ACBD4: variants seen among roughly 807,000 people sequenced by gnomAD.
The protein encoded by ACBD4 is acyl-CoA-binding domain-containing protein 4.
Under a neutral mutation model 46.0 loss-of-function variants are expected in ACBD4, and 41 were observed. The ratio of observed to expected loss-of-function variants is 0.89; its 90% CI spans 0.69 to 1.16. The LOEUF is 1.16. Among genes scored for constraint, ACBD4 ranks in the 50% most tolerant of loss-of-function variants. The pLI is 0.00. For missense variants in ACBD4, 393 were observed against 399.5 expected (o/e 0.98, Z 0.14); for synonymous variants, 162 against 155.9 (o/e 1.04, Z -0.29).
chr17:45,137,542 C>G, intron 6 of ACBD4, 88 bp downstream of exon 6: 2 of 1,480,284 alleles, frequency 1.4e-6, no homozygotes, highest in Non-Finnish European at 1.9e-6. Context: ...GTGCCCTCCA[C>G]AGACACTGAG....
chr17:45,136,594 C>T lies in ACBD4; in HGVS notation c.183C>T (p.Phe61=). Residue 61 remains phenylalanine, a synonymous_variant, in exon 3 of 10, where the codon TTC becomes TTT. Transcript: ENST00000321854. Reference sequence around the variant, plus strand: ...CCTGCCTGGTCCCCCGGCCCGGGTTCTGGGACCCCATTGGACGATATAAGT... The same window carrying T: ...CCTGCCTGGTCCCCCGGCCCGGGTTTTGGGACCCCATTGGACGATATAAGT... ...MGPCLVPRPG[F]WDPIGRYKWD... 1.9e-6 allele frequency: 3 copies of T among 1,614,008 alleles called. No individual in the cohort carries two copies. The highest frequency in any genetic ancestry group is 3.3e-4 in the Middle Eastern group (2 of 6,062).
At chr17:45,136,990 C>G (rs768333671) in intron 4 of ACBD4, 29 bp from the exon 5 acceptor site, 2 of 1,613,622 alleles carry the variant, frequency 1.2e-6, no homozygotes, top group Non-Finnish European at 8.5e-7. Flanking sequence ...GGAGGCCACT[C>G]CGTCCCCAAC....
chr17:45,136,634 T>A lies in ACBD4; in HGVS notation c.209+14T>A, dbSNP rs767939172. On this transcript the variant is annotated intron_variant, in intron 3 of 9. Coordinates refer to ENST00000321854, the MANE Select transcript of ACBD4 (RefSeq NM_001135705.3). ...ACGATATAAGTGGTGAGCTCCCTGC[T>A]GGCTGGGCAGACAAGCCTCAGCTGT... The A allele has an allele frequency of 3.7e-6, 6 of 1,613,724 alleles. No homozygotes were observed. In the South Asian group the frequency reaches 6.6e-5, roughly 18 times the overall value.
At chr17:45,142,389 C>CAGAAAAAA (rs2055333718) in intron 9 of ACBD4, among the ~76,000 whole-genome samples, 1 of 28,574 alleles carries the variant, frequency 3.5e-5, no homozygotes, top group Non-Finnish European at 5.8e-5. Flanking sequence ...CAAGACTCCT[C>CAGAAAAAA]AAAAAAAAAA....
In ACBD4 at chr17:45,137,691, C is replaced by CCTGTG; in HGVS notation, c.503-68_503-67insTGTGC. On this transcript the variant is annotated intron_variant, in intron 6 of 9. Coordinates refer to ENST00000321854, the MANE Select transcript of ACBD4 (RefSeq NM_001135705.3). ...AGTGTCTCCTAAACAGGTGCTTCTG[C>CCTGTG]CCAGTGCACACTCCTGCTCTCCCTC... 1.9e-6 allele frequency: 3 copies of CCTGTG among 1,555,846 alleles called. No homozygotes were observed. The African/African-American group carries it at 4.1e-5, about 21-fold the overall frequency.
chr17:45,134,972 CTT>C (rs71363517), upstream of ACBD4, among the ~76,000 whole-genome samples: 8 of 137,682 alleles, frequency 5.8e-5, no homozygotes, highest in East Asian at 2.1e-4. Flanking sequence ...TTTGCTTACT[CTT>C]TTTTTTTTTT....
rs577647382 is a variant in ACBD4 at position 45,136,511 on chromosome 17, C to T, written c.100C>T (p.Pro34Ser). The change falls in exon 3 of 10, where the codon CCC becomes TCC. Residue 34 changes from proline (P) to serine (S), a missense_variant. Pro to Ser is a moderately conservative substitution (Grantham distance 74). Transcript: ENST00000321854. ...AACTCTCTGCCCAGGTTCTTACCGCCCCTCCTATGAAGAGATGCTGCGATT... is the reference window on the plus strand; with the variant it reads ...AACTCTCTGCCCAGGTTCTTACCGCTCCTCCTATGAAGAGATGCTGCGATT... ...QNLPKNGSYRPSYEEMLRFYS... is the reference protein window; with the variant it reads ...QNLPKNGSYRSSYEEMLRFYS... The T allele has an allele frequency of 4.3e-5, 69 of 1,613,152 alleles. 1 individual carries two copies. The East Asian group carries it at 5.1e-4, about 12-fold the overall frequency.
chr17:45,137,571 G>C, intron 6 of ACBD4, 117 bp downstream of exon 6: 2 of 1,387,618 alleles, frequency 1.4e-6, no homozygotes, highest in Non-Finnish European at 2.0e-6. Flanking sequence ...TGCTCCCAAA[G>C]GTGGGGACCG....
At position 45,137,402 on chromosome 17, in the gene ACBD4, G is replaced by T. The variant is rs774604967; in HGVS notation, c.450G>T (p.Gly150=). 8 of 1,614,078 alleles carry T rather than the reference G, an allele frequency of 5.0e-6. No individual in the cohort carries two copies. Among genetic ancestry groups the T allele is most frequent in the Non-Finnish European group, 6.8e-6 (8 of 1,179,996 alleles). ...WKEQVVNGDV[G]AVSEPPCLPK... ...AGCAGGTTGTGAATGGAGATGTTGGGGCTGTTTCAGAGCCTCCCTGCCTCC... is the reference window on the plus strand; with the variant it reads ...AGCAGGTTGTGAATGGAGATGTTGGTGCTGTTTCAGAGCCTCCCTGCCTCC... The change falls in exon 6 of 10, where the codon GGG becomes GGT. Residue 150 remains glycine, a synonymous_variant. Coordinates refer to ENST00000321854, the MANE Select transcript of ACBD4 (RefSeq NM_001135705.3).
upstream of ACBD4, chr17:45,135,673 T>G (rs1270032254): frequency 6.4e-6 from 1 of 156,892 alleles, no homozygotes; most frequent in African/African-American, 2.4e-5. Flanking sequence ...CCGGCCCTGC[T>G]GGACCCCGGG....
chr17:45,136,267 T>G (rs746135410), intron 2 of ACBD4, 35 bp downstream of exon 2: 1 of 1,608,172 alleles, frequency 6.2e-7, no homozygotes, highest in East Asian at 2.2e-5. Flanking sequence ...GGACTCGCAT[T>G]CAGGACGCCT....
upstream of ACBD4, chr17:45,132,140 C>A: frequency 8.7e-7 from 1 of 1,154,080 alleles, no homozygotes; most frequent in South Asian, 4.4e-5. The surrounding 1 kb of genome is among the most constrained non-coding windows in gnomAD (Gnocchi z 4.6). Context: ...CCATAGCCTC[C>A]CAGCCCCGTG....
At chr17:45,138,340 A>G (rs1388545851) in intron 8 of ACBD4, 1 of 403,888 alleles carries the variant, frequency 2.5e-6, no homozygotes, top group Non-Finnish European at 4.6e-6. Context: ...TCAGAAGACA[A>G]TGAGTTCTGC....
intron 2 of ACBD4, 29 bp downstream of exon 2, chr17:45,136,261 T>G: frequency 1.2e-6 from 2 of 1,610,014 alleles, no homozygotes; most frequent in Non-Finnish European, 1.7e-6. Flanking sequence ...GCATTTGGAC[T>G]CGCATTCAGG....
intron 4 of ACBD4, 65 bp downstream of exon 4, chr17:45,136,841 C>G: frequency 6.2e-7 from 1 of 1,600,034 alleles, no homozygotes; most frequent in Non-Finnish European, 8.5e-7. Context: ...CCAGTTCTGA[C>G]CCCCACTACG....
At position 45,143,648 on chromosome 17, in the gene ACBD4, A is replaced by G; in HGVS notation, c.*77A>G. The G allele has an allele frequency of 6.2e-7, 1 of 1,609,518 alleles. No individual in the cohort carries two copies. ...GAGCCTTCCTAGGGTTTAGAAGAACAGCATTCAAAATTCCCCGTCCTGTCA... is the reference window on the plus strand; with the variant it reads ...GAGCCTTCCTAGGGTTTAGAAGAACGGCATTCAAAATTCCCCGTCCTGTCA... On this transcript the variant is annotated 3_prime_UTR_variant, in exon 10 of 10. Coordinates refer to ENST00000321854, the MANE Select transcript of ACBD4 (RefSeq NM_001135705.3).
chr17:45,140,339 T>C (rs1461794591), intron 9 of ACBD4, among the ~76,000 whole-genome samples: 2 of 150,918 alleles, frequency 1.3e-5, no homozygotes, highest in African/African-American at 4.8e-5. Flanking sequence ...AGCACCACCA[T>C]GCCCAGATAC....
intron 8 of ACBD4, among the ~76,000 whole-genome samples, 190 bp from the exon 9 acceptor site, chr17:45,138,831 C>A (rs8065916): frequency 6.6e-6 from 1 of 151,958 alleles, no homozygotes; most frequent in Non-Finnish European, 1.5e-5. Context: ...GTGTCATAAG[C>A]GGCCATGCTG....
intron 9 of ACBD4, among the ~76,000 whole-genome samples, chr17:45,142,179 G>A (rs1353833749): frequency 6.6e-6 from 1 of 151,868 alleles, no homozygotes; most frequent in African/African-American, 2.4e-5. Context: ...GATCACCCGA[G>A]GTCAGGAGTT....
Sources: gnomAD v4.1 joint callset for allele counts (sites outside exome capture counted in the v4.1 genomes callset) on GRCh38, gnomAD v4.1.1 for gene constraint, Gnocchi (gnomAD v3.1) non-coding constraint, MANE v1.5 for transcripts, NCBI Gene and HGNC (gene_info 2026-07-23, HGNC 2026-07-21) for gene names.